Variants in DDAH1 observed in about 807,000 individuals in gnomAD.
DDAH1 encodes N(G),N(G)-dimethylarginine dimethylaminohydrolase 1.
Under a neutral mutation model 28.8 loss-of-function variants are expected in DDAH1, and 19 were observed. The ratio of observed to expected loss-of-function variants is 0.66; its 90% CI spans 0.46 to 0.97. DDAH1 has a LOEUF of 0.97. Among genes scored for constraint, DDAH1 ranks in the 50% least tolerant of loss-of-function variants. The pLI is 0.00. For missense variants in DDAH1, 326 were observed against 375.9 expected (o/e 0.87, Z 1.10); for synonymous variants, 153 against 154.4 (o/e 0.99, Z 0.07).
chr1:85,572,259 T>G (rs1009143937), intron 1 of DDAH1, among the ~76,000 whole-genome samples: 1 of 152,108 alleles, frequency 6.6e-6, no homozygotes, highest in Non-Finnish European at 1.5e-5. Flanking sequence ...ATTAAGAAAC[T>G]GTGGGCCACA....
chr1:85,342,856 C>G (rs914689716), intron 4 of DDAH1, among the ~76,000 whole-genome samples: 4 of 152,122 alleles, frequency 2.6e-5, no homozygotes, highest in African/African-American at 7.2e-5. Flanking sequence ...AATGCAGATG[C>G]CTGGGTTCCA....
rs1450120416 is a variant in DDAH1 at position 85,536,258 on chromosome 1, A to T, written c.-122-39977T>A. The stretch of plus-strand genomic sequence containing the variant: ...TCTCAAATAAAAATAAAAAAATAAT[A>T]AAAATTAAAAAGCCTGCTGGGTGCG... On this transcript the variant is annotated intron_variant, in intron 1 of 6. Transcript: ENST00000426972. Among the ~76,000 whole-genome samples, 10 of 152,108 alleles carry T rather than the reference A, an allele frequency of 6.6e-5. No individual in the cohort carries two copies. In the East Asian group the frequency reaches 1.7e-3, roughly 26 times the overall value.
chr1:85,369,523 C>G (rs12758768), intron 1 of DDAH1, among the ~76,000 whole-genome samples: 1 of 151,996 alleles, frequency 6.6e-6, no homozygotes, highest in Admixed American at 6.6e-5. Flanking sequence ...TCTAAAAACC[C>G]GCAGGTGAGA....
intron 5 of DDAH1, among the ~76,000 whole-genome samples, chr1:85,323,355 A>G (rs1042678283): frequency 6.6e-6 from 1 of 152,188 alleles, no homozygotes; most frequent in Non-Finnish European, 1.5e-5. Context: ...ACACTTGAAG[A>G]ATCTATGGAC....
At chr1:85,490,120 G>T (rs1392956115) in intron 2 of DDAH1, among the ~76,000 whole-genome samples, 1 of 152,130 alleles carries the variant, frequency 6.6e-6, no homozygotes, top group Non-Finnish European at 1.5e-5. Context: ...AGTTTTCTAA[G>T]GAGGTAGACT....
chr1:85,349,737 G>T (rs950753339), intron 4 of DDAH1, among the ~76,000 whole-genome samples: 1 of 152,140 alleles, frequency 6.6e-6, no homozygotes, highest in South Asian at 2.1e-4. Flanking sequence ...ATCCTTATTG[G>T]GTGTCCAGAT....
intron 1 of DDAH1, among the ~76,000 whole-genome samples, chr1:85,391,869 C>A (rs1651566758): frequency 6.6e-6 from 1 of 152,196 alleles, no homozygotes; most frequent in Non-Finnish European, 1.5e-5. Context: ...ACATTATAAA[C>A]AGGCTGTCTA....
chr1:85,391,612 T>C (rs1489680786), intron 1 of DDAH1, among the ~76,000 whole-genome samples: 4 of 152,190 alleles, frequency 2.6e-5, no homozygotes, highest in African/African-American at 7.2e-5. Flanking sequence ...AGATGCAGAA[T>C]GGTATTACCT....
chr1:85,576,026 C>T (rs2100575926), intron 1 of DDAH1: 1 of 150,140 alleles, frequency 6.7e-6, no homozygotes, highest in Middle Eastern at 3.4e-3. Context: ...CAAACCTGCA[C>T]GTTGTGCACA....
intron 1 of DDAH1, among the ~76,000 whole-genome samples, chr1:85,560,965 C>A (rs1286780543): frequency 6.6e-6 from 1 of 151,892 alleles, no homozygotes; most frequent in Non-Finnish European, 1.5e-5. Context: ...AATGTATGTT[C>A]TTTGTGTAAT....
intron 1 of DDAH1, among the ~76,000 whole-genome samples, chr1:85,451,415 T>C (rs1654665556): frequency 6.6e-6 from 1 of 152,174 alleles, no homozygotes; most frequent in Non-Finnish European, 1.5e-5. Context: ...GCTCAGTACC[T>C]TACCTGTATT....
intron 3 of DDAH1, among the ~76,000 whole-genome samples, chr1:85,350,982 G>T (rs916396994): frequency 6.6e-6 from 1 of 151,858 alleles, no homozygotes; most frequent in African/African-American, 2.4e-5. Flanking sequence ...GCACACAGAA[G>T]GCACTCAAGC....
chr1:85,430,599 T>C (rs1653632541), intron 1 of DDAH1, among the ~76,000 whole-genome samples: 1 of 152,200 alleles, frequency 6.6e-6, no homozygotes, highest in Non-Finnish European at 1.5e-5. Context: ...TAGTTCTCCT[T>C]GAAGAGGTTC....
intron 1 of DDAH1, among the ~76,000 whole-genome samples, chr1:85,444,226 G>A (rs1403904082): frequency 6.6e-6 from 1 of 152,076 alleles, no homozygotes; most frequent in Non-Finnish European, 1.5e-5. Context: ...TAGCATGAAG[G>A]GCTGTTGAAT....
chr1:85,483,361 C>A (rs1312777929), intron 2 of DDAH1, among the ~76,000 whole-genome samples: 1 of 152,060 alleles, frequency 6.6e-6, no homozygotes, highest in Non-Finnish European at 1.5e-5. Context: ...GTCTTAGGAC[C>A]TACCCTAAAC....
At chr1:85,444,827 A>G (rs899735817) in intron 1 of DDAH1, among the ~76,000 whole-genome samples, 4 of 151,524 alleles carry the variant, frequency 2.6e-5, no homozygotes, top group Admixed American at 1.3e-4. Flanking sequence ...TAGGGGGATT[A>G]GTCAGGGTTC....
intron 1 of DDAH1, chr1:85,575,774 C>T (rs1342303127): frequency 6.6e-6 from 1 of 152,138 alleles, no homozygotes; most frequent in Non-Finnish European, 1.5e-5. Context: ...ACCTTATGAT[C>T]TGGGCCCAAA....
intron 5 of DDAH1, among the ~76,000 whole-genome samples, chr1:85,324,321 TAAAAA>T (rs1369908307): frequency 1.5e-5 from 2 of 134,236 alleles, no homozygotes; most frequent in African/African-American, 2.7e-5. Flanking sequence ...TAAAAAGAAA[TAAAAA>T]GAAAAGCTGC....
chr1:85,437,684 G>A (rs1280378156), intron 1 of DDAH1, among the ~76,000 whole-genome samples: 1 of 152,172 alleles, frequency 6.6e-6, no homozygotes, highest in Admixed American at 6.5e-5. Flanking sequence ...AGTTTTGGGG[G>A]AGTCAAAAGT....
Sources: allele counts gnomAD v4.1 joint callset (sites outside exome capture counted in the v4.1 genomes callset), GRCh38; gene constraint gnomAD v4.1.1; transcripts MANE v1.5; gene names NCBI Gene and HGNC (gene_info 2026-07-23, HGNC 2026-07-21).